CHD5: variants seen among roughly 807,000 people sequenced by gnomAD.
The protein encoded by CHD5 is ATP-dependent chromatin remodeler CHD5.
A neutral mutation model predicts 230.3 loss-of-function variants in CHD5; 69 were observed. The ratio of observed to expected loss-of-function variants is 0.30; its 90% confidence interval spans 0.25 to 0.37. The LOEUF (loss-of-function observed/expected upper bound fraction) is 0.37. Ranked by LOEUF, CHD5 falls within the 10% of genes least tolerant of loss-of-function variation. CHD5 has a pLI of 1.00. For synonymous variants in CHD5, 1,064 were observed against 1,065.9 expected, an observed-to-expected ratio of 1.00 and a Z score of 0.03; for missense variants, 1,827 against 2,622.8, an observed-to-expected ratio of 0.70 and a Z score of 6.63.
chr1:6,143,571 C>T (rs1666863323), intron 13 of CHD5, among the ~76,000 whole-genome samples: 1 of 152,188 alleles, frequency 6.6e-6, no homozygotes, highest in South Asian at 2.1e-4. Flanking sequence ...CTAGTGGACA[C>T]CCAGGGAGCT....
At position 6,154,488 on chromosome 1, in the gene CHD5, C is replaced by T. The variant is rs1050128998; in HGVS notation, c.745+172G>A. Among the ~76,000 whole-genome samples, 1 of 152,220 alleles carries T rather than the reference C, an allele frequency of 6.6e-6. No individual in the cohort carries two copies. Among genetic ancestry groups the T allele is most frequent in the Non-Finnish European group, 1.5e-5 (1 of 68,038 alleles). On this transcript the variant is annotated intron_variant, in intron 5 of 41. Coordinates refer to ENST00000262450, the MANE Select transcript of CHD5 (RefSeq NM_015557.3). This position sits in a 1 kb window ranked among gnomAD's most constrained non-coding sequence, Gnocchi z 7.0. ...AGGCACAAAAGAGGCGACGATGCTG[C>T]CTCACTGCTGAGAAAGGACCGGGCA...
At chr1:6,173,136 G>A (rs1463742865) in intron 1 of CHD5, among the ~76,000 whole-genome samples, 3 of 147,964 alleles carry the variant, frequency 2.0e-5, no homozygotes, top group Admixed American at 1.4e-4. Context: ...ACGGACTCTC[G>A]CTCTGTCACC....
rs756986366 is a variant in CHD5 at position 6,111,737 on chromosome 1, G to A, written c.5249+38C>T. ...CTCTCCCCGAGGTCCACGGAGGAAC[G>A]GGCAAGTCCCTGCCCAGCCCGGCCT... On this transcript the variant is annotated intron_variant, in intron 36 of 41. Coordinates refer to ENST00000262450, the MANE Select transcript of CHD5 (RefSeq NM_015557.3). 64 of 1,552,700 alleles carry A rather than the reference G, an allele frequency of 4.1e-5. No homozygotes were observed. The Middle Eastern group carries it at 1.4e-3, about 33-fold the overall frequency.
intron 9 of CHD5, 99 bp downstream of exon 9, chr1:6,148,755 G>GGGGCGGGGCCTTTTGAGGA (rs1557553696): frequency 3.3e-6 from 3 of 908,442 alleles, no homozygotes; most frequent in Non-Finnish European, 3.0e-6. Flanking sequence ...GGAGCCGGCA[G>GGGGCGGGGCCTTTTGAGGA]GGGCGGGGCC....
chr1:6,140,522 T>A (rs1461804658), intron 15 of CHD5, among the ~76,000 whole-genome samples: 1 of 152,178 alleles, frequency 6.6e-6, no homozygotes, highest in Non-Finnish European at 1.5e-5. Context: ...TGAGACCTCA[T>A]GCTTATTAAC....
chr1:6,170,834 C>T (rs917101503), intron 1 of CHD5, among the ~76,000 whole-genome samples: 6 of 152,200 alleles, frequency 3.9e-5, no homozygotes, highest in African/African-American at 1.4e-4. Flanking sequence ...GAGCAGGTGT[C>T]GGTGGGGCAG....
At chr1:6,179,709 G>A (rs1301642841) in intron 1 of CHD5, among the ~76,000 whole-genome samples, 2 of 146,164 alleles carry the variant, frequency 1.4e-5, no homozygotes, top group Non-Finnish European at 3.0e-5. Context: ...GCCGCCCGGG[G>A]GGCCCGGATC....
At position 6,167,579 on chromosome 1, in the gene CHD5, G is replaced by A. The variant is rs1485966110; in HGVS notation, c.207+571C>T. Among the ~76,000 whole-genome samples the A allele has an allele frequency of 2.0e-5, 3 of 152,182 alleles. No individual in the cohort carries two copies. Among genetic ancestry groups the A allele is most frequent in the Non-Finnish European group, 4.4e-5 (3 of 68,026 alleles). Reference sequence around the variant, plus strand: ...ATCAAGTGAGCCCGCGTGAAGCACAGAGAAGCACACTCGGAATGTGTCAGC... The same window carrying A: ...ATCAAGTGAGCCCGCGTGAAGCACAAAGAAGCACACTCGGAATGTGTCAGC... On this transcript the variant is annotated intron_variant, in intron 2 of 41. Coordinates refer to ENST00000262450, the MANE Select transcript of CHD5 (RefSeq NM_015557.3). The surrounding 1 kb of genome is among the most constrained non-coding windows in gnomAD (Gnocchi z 4.5).
Position 6,146,955 on chromosome 1 carries a change from G to T in CHD5, c.1384-84C>A. On this transcript the variant is annotated intron_variant, in intron 9 of 41. Coordinates refer to ENST00000262450, the MANE Select transcript of CHD5 (RefSeq NM_015557.3). The surrounding 1 kb of genome is among the most constrained non-coding windows in gnomAD (Gnocchi z 5.1). ...TCCCATGACAGCAGGCTGCCATGCA[G>T]GCTCCCTCCCATCAGTGCCACTGCC... is the stretch of plus-strand genomic sequence containing the variant. 1 of 1,077,658 alleles carries T rather than the reference G, an allele frequency of 9.3e-7. No homozygotes were observed. Among genetic ancestry groups the T allele is most frequent in the Non-Finnish European group, 1.3e-6 (1 of 768,500 alleles). 66.8% of individuals were successfully genotyped at this position (1,077,658 alleles called of 1,614,324 possible). A position where few individuals can be genotyped will look rare whatever the true frequency, so the allele number is the denominator to read the frequency against.
chr1:6,115,478 A>T (rs1476433367), intron 33 of CHD5, among the ~76,000 whole-genome samples: 1 of 152,142 alleles, frequency 6.6e-6, no homozygotes, highest in East Asian at 1.9e-4. Context: ...ACCTGACCAC[A>T]CGAGCCCTTT....
chr1:6,141,987 C>T, intron 15 of CHD5, 141 bp downstream of exon 15: 1 of 719,632 alleles, frequency 1.4e-6, no homozygotes, highest in South Asian at 1.7e-5. Context: ...GTAACTCAGC[C>T]TCTAGGACAA....
chr1:6,105,964 C>T lies in CHD5; in HGVS notation c.*46+270G>A, dbSNP rs1180620980. Among the ~76,000 whole-genome samples, 2 of 152,164 alleles carry T rather than the reference C, an allele frequency of 1.3e-5. No individual in the cohort carries two copies. Among genetic ancestry groups the T allele is most frequent in the African/African-American group, 4.8e-5 (2 of 41,416 alleles). ...GCAAATGAGAACACATGTGCACACA[C>T]AGGAGCTCACCCAAGTCCACCGACC... is the stretch of plus-strand genomic sequence containing the variant. On this transcript the variant is annotated intron_variant, in intron 41 of 41. Coordinates refer to ENST00000262450, the MANE Select transcript of CHD5 (RefSeq NM_015557.3). This position sits in a 1 kb window ranked among gnomAD's most constrained non-coding sequence, Gnocchi z 4.8.
At chr1:6,178,535 C>T (rs1409384035) in intron 1 of CHD5, among the ~76,000 whole-genome samples, 2 of 151,942 alleles carry the variant, frequency 1.3e-5, no homozygotes, top group African/African-American at 4.8e-5. Context: ...TGTGCCTGTG[C>T]GGGGCCTCAG....
chr1:6,177,919 G>A (rs945845342), intron 1 of CHD5, among the ~76,000 whole-genome samples: 4 of 152,166 alleles, frequency 2.6e-5, no homozygotes, highest in East Asian at 1.9e-4. Flanking sequence ...CATGCGGGTC[G>A]GGATCTGACT....
Position 6,129,111 on chromosome 1 carries a change from C to A in CHD5, c.3388-42G>T. The A allele has an allele frequency of 7.0e-7, 1 of 1,438,692 alleles. No individual in the cohort carries two copies. Among genetic ancestry groups the A allele is most frequent in the South Asian group, 1.2e-5 (1 of 84,888 alleles). 89.1% of individuals were successfully genotyped at this position (1,438,692 alleles called of 1,614,324 possible). On this transcript the variant is annotated intron_variant, in intron 22 of 41. Transcript: ENST00000262450. The surrounding 1 kb of genome is among the most constrained non-coding windows in gnomAD (Gnocchi z 6.8). ...CTCAGCACCCGTGGCTCACCCAGGG[C>A]TCCAGGCAATGGAGGAGATCACACC...
Position 6,130,372 on chromosome 1 carries a change from AC to A in CHD5, c.3263-45del. The stretch of plus-strand genomic sequence containing the variant: ...CAGATGGGAGTGTTTGGGGGGGTAC[AC>A]CTTGGGTGGGCAGAAAGGATGGGGG... On this transcript the variant is annotated intron_variant, in intron 21 of 41. Transcript: ENST00000262450. The surrounding 1 kb of genome is among the most constrained non-coding windows in gnomAD (Gnocchi z 4.9). The A allele has an allele frequency of 6.3e-7, 1 of 1,595,218 alleles. No homozygotes were observed. Among genetic ancestry groups the A allele is most frequent in the Non-Finnish European group, 8.6e-7 (1 of 1,168,464 alleles).
At chr1:6,110,106 A>G in intron 37 of CHD5, 116 bp from the exon 38 acceptor site, 2 of 1,062,384 alleles carry the variant, frequency 1.9e-6, no homozygotes, top group Non-Finnish European at 2.6e-6. Flanking sequence ...AAGAGGACGT[A>G]CTGCCATCTG....
intron 8 of CHD5, 48 bp from the exon 9 acceptor site, chr1:6,149,123 C>T: frequency 6.8e-7 from 1 of 1,470,394 alleles, no homozygotes. Context: ...GTCCCCGCTC[C>T]ACCAGGCCCG....
intron 20 of CHD5, among the ~76,000 whole-genome samples, chr1:6,132,163 T>C (rs1666667660): frequency 6.6e-6 from 1 of 152,204 alleles, no homozygotes; most frequent in Non-Finnish European, 1.5e-5. Flanking sequence ...ACCTCTGTGA[T>C]GTCTTCCCTG....
Sources: allele counts gnomAD v4.1 joint callset (sites outside exome capture counted in the v4.1 genomes callset), GRCh38; gene constraint gnomAD v4.1.1; non-coding constraint Gnocchi (gnomAD v3.1); transcripts MANE v1.5; gene names NCBI Gene and HGNC (gene_info 2026-07-23, HGNC 2026-07-21).